The following ORC5 variants were observed in gnomAD, a reference collection of about 807,000 sequenced individuals.
ORC5 encodes protein phosphatase 1, regulatory subunit 117.
Under a neutral mutation model 58.8 loss-of-function variants are expected in ORC5, and 39 were observed. That is an observed-to-expected ratio of 0.66 (90% CI 0.51 to 0.87). The LOEUF (loss-of-function observed/expected upper bound fraction) is 0.87. ORC5 is among the 40% of genes least tolerant of loss of function. ORC5 has a pLI of 0.00. For synonymous variants in ORC5, 218 were observed against 177.6 expected (o/e 1.23, Z -1.81); for missense variants, 493 against 506.3 (o/e 0.97, Z 0.25).
chr7:104,159,599 G>GTATA (rs1424022370), intron 12 of ORC5, among the ~76,000 whole-genome samples: 1 of 150,876 alleles, frequency 6.6e-6, no homozygotes, highest in Non-Finnish European at 1.5e-5. Flanking sequence ...GAAAAAACAT[G>GTATA]TACTATCCTT....
chr7:104,135,575 G>A (rs897670351), intron 13 of ORC5, among the ~76,000 whole-genome samples: 2 of 152,086 alleles, frequency 1.3e-5, no homozygotes, highest in Non-Finnish European at 2.9e-5. Flanking sequence ...TTACAGGTCT[G>A]AGCCACTGCA....
At chr7:104,178,742 T>C (rs959274149) in intron 8 of ORC5, among the ~76,000 whole-genome samples, 2 of 152,140 alleles carry the variant, frequency 1.3e-5, no homozygotes, top group African/African-American at 4.8e-5. Context: ...ATAAGATGTA[T>C]GAAGGGGTCC....
intron 11 of ORC5, 134 bp downstream of exon 11, chr7:104,165,101 T>C (rs1799084658): frequency 1.9e-6 from 1 of 535,458 alleles, no homozygotes; most frequent in Non-Finnish European, 3.3e-6. Context: ...CAAAATTCTA[T>C]TACAGTATAA....
intron 12 of ORC5, among the ~76,000 whole-genome samples, chr7:104,151,637 G>C (rs1562808523): frequency 6.6e-6 from 1 of 152,174 alleles, no homozygotes. Context: ...GAAAGATTTA[G>C]GGAATGATTT....
intron 12 of ORC5, among the ~76,000 whole-genome samples, chr7:104,151,054 T>G (rs1362771537): frequency 1.3e-5 from 2 of 152,106 alleles, no homozygotes; most frequent in Non-Finnish European, 2.9e-5. Flanking sequence ...TAAAAACATT[T>G]AAAATTAGTG....
chr7:104,161,279 A>C (rs940055740), intron 11 of ORC5, 97 bp from the exon 12 acceptor site: 2 of 649,024 alleles, frequency 3.1e-6, no homozygotes, highest in Middle Eastern at 2.5e-4. Context: ...TTTTTGTTAT[A>C]TATAGTTCCC....
chr7:104,166,751 AAAG>A lies in ORC5; in HGVS notation c.990+18_990+20del. ...CCTGGGATCTTAAAAAATAAAGTGA[AAAG>A]AAGTATGTTATTATTACCTTAAGAA... On this transcript the variant is annotated intron_variant, in intron 10 of 13. Transcript: ENST00000297431. 8.0e-7 allele frequency: 1 copy of A among 1,256,548 alleles called. No homozygotes were observed. The highest frequency in any genetic ancestry group is 1.3e-5 in the South Asian group (1 of 78,644). 77.8% of individuals were successfully genotyped at this position (1,256,548 alleles called of 1,614,324 possible).
At chr7:104,139,992 G>T (rs1051731854) in intron 12 of ORC5, among the ~76,000 whole-genome samples, 4 of 152,006 alleles carry the variant, frequency 2.6e-5, no homozygotes, top group Admixed American at 2.6e-4. Context: ...TTAAAATTAC[G>T]TTTTGTTGAC....
At chr7:104,144,290 CTAAAT>C (rs1190942797) in intron 12 of ORC5, among the ~76,000 whole-genome samples, 4 of 152,106 alleles carry the variant, frequency 2.6e-5, no homozygotes, top group Non-Finnish European at 4.4e-5. Flanking sequence ...TATTAACTTA[CTAAAT>C]GAAAACTACT....
At chr7:104,171,723 G>T (rs2299409) in intron 8 of ORC5, among the ~76,000 whole-genome samples, 1 of 151,796 alleles carries the variant, frequency 6.6e-6, no homozygotes, top group Admixed American at 6.6e-5. Context: ...GTGTGGTGGC[G>T]CATGCCTATA....
rs753049365 is a variant in ORC5, at chr7:104,136,920, C to A, written c.1150-27G>T. The A allele has an allele frequency of 1.4e-6, 2 of 1,439,576 alleles. No individual in the cohort carries two copies. Among genetic ancestry groups the A allele is most frequent in the Admixed American group, 3.3e-5 (2 of 59,750 alleles). 89.2% of individuals were successfully genotyped at this position (1,439,576 alleles called of 1,614,324 possible). A position where few individuals can be genotyped will look rare whatever the true frequency, so the allele number is the denominator to read the frequency against. On this transcript the variant is annotated intron_variant, in intron 12 of 13. Transcript: ENST00000297431. The surrounding 1 kb of genome is among the most constrained non-coding windows in gnomAD (Gnocchi z 4.2). ...TAAAAGAGAACATTTTTATAAGAAA[C>A]TGTTTTAATAAGATTATGTAATACT...
intron 5 of ORC5, 140 bp from the exon 6 acceptor site, chr7:104,188,521 T>C (rs574742576): frequency 1.7e-6 from 1 of 574,590 alleles, no homozygotes; most frequent in East Asian, 2.7e-5. Flanking sequence ...ATTACAAGAT[T>C]AGAATACAAA....
At chr7:104,168,296 T>C in intron 9 of ORC5, 177 bp downstream of exon 9, 1 of 1,184,816 alleles carries the variant, frequency 8.4e-7, no homozygotes, top group Non-Finnish European at 1.1e-6. Context: ...TTCCTCCCAT[T>C]AAATTAGAGC....
intron 5 of ORC5, among the ~76,000 whole-genome samples, chr7:104,190,242 A>G (rs947358889): frequency 2.6e-5 from 4 of 152,176 alleles, no homozygotes; most frequent in Middle Eastern, 3.2e-3. Flanking sequence ...AATCAGTAAC[A>G]AGGGAAAAAA....
intron 3 of ORC5, among the ~76,000 whole-genome samples, chr7:104,198,686 G>C (rs1799858760): frequency 6.6e-6 from 1 of 152,168 alleles, no homozygotes. Flanking sequence ...AGGTAGAAAA[G>C]AAAAAACCCA....
At chr7:104,175,691 G>C (rs1799308276) in intron 8 of ORC5, among the ~76,000 whole-genome samples, 1 of 152,126 alleles carries the variant, frequency 6.6e-6, no homozygotes, top group Non-Finnish European at 1.5e-5. Flanking sequence ...TCTCTGTCTG[G>C]CATAAAAATG....
chr7:104,193,052 A>C (rs1262968521), intron 5 of ORC5, among the ~76,000 whole-genome samples: 1 of 152,094 alleles, frequency 6.6e-6, no homozygotes. Context: ...TGAGGGGGGC[A>C]GACAAAATAT....
chr7:104,192,876 A>G (rs1224713362), intron 5 of ORC5, among the ~76,000 whole-genome samples: 1 of 152,058 alleles, frequency 6.6e-6, no homozygotes, highest in Non-Finnish European at 1.5e-5. Context: ...AAAAAAAAAA[A>G]AAGAAGTCAG....
intron 11 of ORC5, among the ~76,000 whole-genome samples, chr7:104,162,451 T>C (rs1012299282): frequency 6.6e-6 from 1 of 152,208 alleles, no homozygotes; most frequent in African/African-American, 2.4e-5. Flanking sequence ...CGTGAGCCAG[T>C]GCACCCAGCT....
Sources: gnomAD v4.1 joint callset for allele counts (sites outside exome capture counted in the v4.1 genomes callset) on GRCh38, gnomAD v4.1.1 for gene constraint, Gnocchi (gnomAD v3.1) non-coding constraint, MANE v1.5 for transcripts, NCBI Gene and HGNC (gene_info 2026-07-23, HGNC 2026-07-21) for gene names.